Variants in CAST observed in about 807,000 individuals in gnomAD.
The protein encoded by CAST is calpastatin.
In CAST, 76 loss-of-function variants were observed where a neutral mutation model predicts 119.6. The ratio of observed to expected loss-of-function variants is 0.64; its 90% CI spans 0.53 to 0.77. The LOEUF is 0.77. Among genes scored for constraint, CAST ranks in the 30% least tolerant of loss-of-function variants. The probability of loss-of-function intolerance (pLI) is 0.00; values close to 1 mark genes in which losing one functional copy is unlikely to be tolerated. For missense variants in CAST, 953 were observed against 946.5 expected (o/e 1.01, Z -0.09); for synonymous variants, 319 against 331.6 (o/e 0.96, Z 0.41).
the CAST span, among the ~76,000 whole-genome samples, chr5:96,494,206 G>A: frequency 0.085 from 12,925 of 152,176 alleles, 736 homozygotes; most frequent in Middle Eastern, 0.13. Context: ...TCTCAGAGGC[G>A]ATGAACTACC....
At chr5:96,100,156 G>C in the CAST span, among the ~76,000 whole-genome samples, 1 of 152,036 alleles carries the variant, frequency 6.6e-6, no homozygotes, top group African/African-American at 2.4e-5. Flanking sequence ...ATCTTCCCAG[G>C]TACCCTGCTG....
At chr5:96,105,901 C>T in the CAST span, among the ~76,000 whole-genome samples, 2 of 152,104 alleles carry the variant, frequency 1.3e-5, no homozygotes, top group African/African-American at 4.8e-5. Context: ...TGATTATTGC[C>T]GTAATTTCAG....
the CAST span, among the ~76,000 whole-genome samples, chr5:96,229,867 C>T: frequency 1.3e-5 from 2 of 152,136 alleles, no homozygotes; most frequent in Non-Finnish European, 2.9e-5. Context: ...GACAAACCAT[C>T]AATAAATTCT....
the CAST span, among the ~76,000 whole-genome samples, chr5:96,268,225 T>G: frequency 2.6e-5 from 4 of 152,140 alleles, no homozygotes; most frequent in African/African-American, 9.7e-5. Context: ...AAGTAGTAAG[T>G]CCTTACTTAT....
chr5:96,412,752 G>GTTT, the CAST span, among the ~76,000 whole-genome samples: 651 of 71,748 alleles, frequency 9.1e-3, 76 homozygotes, highest in African/African-American at 0.039. Context: ...CAGCTGTGAT[G>GTTT]TTTTTTTTTT....
At chr5:96,225,607 G>A in the CAST span, among the ~76,000 whole-genome samples, 2 of 152,074 alleles carry the variant, frequency 1.3e-5, no homozygotes, top group South Asian at 2.1e-4. Flanking sequence ...TTTTACTGAT[G>A]AGTTATCTTA....
At chr5:96,573,024 C>G (rs1209353357) in intron 1 of CAST, among the ~76,000 whole-genome samples, 1 of 152,142 alleles carries the variant, frequency 6.6e-6, no homozygotes, top group East Asian at 1.9e-4. Flanking sequence ...TACTCGATGA[C>G]TAATTGGAGA....
chr5:96,071,230 C>T, the CAST span, among the ~76,000 whole-genome samples: 2 of 152,146 alleles, frequency 1.3e-5, no homozygotes, highest in East Asian at 3.9e-4. Context: ...CCACTTCACC[C>T]TATATTTCCT....
At chr5:96,154,375 AAATAACTT>A in the CAST span, among the ~76,000 whole-genome samples, 1 of 152,220 alleles carries the variant, frequency 6.6e-6, no homozygotes, top group African/African-American at 2.4e-5. Flanking sequence ...AGTTTTTAAA[AAATAACTT>A]AAAATTTTAG....
chr5:96,163,815 C>CT, the CAST span, among the ~76,000 whole-genome samples: 1 of 152,182 alleles, frequency 6.6e-6, no homozygotes, highest in Admixed American at 6.5e-5. Flanking sequence ...TGTCTGCCTA[C>CT]CCCATAAAAC....
chr5:96,356,501 A>G, the CAST span, among the ~76,000 whole-genome samples: 1 of 152,054 alleles, frequency 6.6e-6, no homozygotes, highest in African/African-American at 2.4e-5. Flanking sequence ...TCTTGAGTTA[A>G]TTTTTGCATA....
chr5:96,230,349 CTTTATCAATTTAAAT>C, the CAST span, among the ~76,000 whole-genome samples: 4 of 152,236 alleles, frequency 2.6e-5, no homozygotes, highest in South Asian at 2.1e-4. Context: ...ACTGTCTTCT[CTTTATCAATTTAAAT>C]TTTATCAATT....
chr5:96,135,569 C>G, the CAST span, among the ~76,000 whole-genome samples: 1 of 152,102 alleles, frequency 6.6e-6, no homozygotes, highest in Non-Finnish European at 1.5e-5. Flanking sequence ...AGATTTCTAA[C>G]TCTTAAGATC....
chr5:96,107,817 G>T, the CAST span, among the ~76,000 whole-genome samples: 2 of 152,218 alleles, frequency 1.3e-5, no homozygotes, highest in Non-Finnish European at 2.9e-5. Flanking sequence ...CCTGCAGAGT[G>T]TTTTCCAACT....
At chr5:96,390,335 T>C in the CAST span, 2 of 152,210 alleles carry the variant, frequency 1.3e-5, no homozygotes, top group Non-Finnish European at 2.9e-5. Context: ...AGATCTTGTT[T>C]GTGGTGGAAA....
chr5:96,390,886 C>A, the CAST span: 4 of 152,634 alleles, frequency 2.6e-5, no homozygotes, highest in East Asian at 7.7e-4. Context: ...TGAGAGTGAA[C>A]CTTTGGCTAC....
the CAST span, chr5:96,392,128 T>C: frequency 1.3e-5 from 2 of 152,072 alleles, no homozygotes; most frequent in Non-Finnish European, 2.9e-5. Context: ...TTCCTGTTAC[T>C]GCTGAAAAAA....
At chr5:96,092,190 A>G in the CAST span, among the ~76,000 whole-genome samples, 1 of 152,156 alleles carries the variant, frequency 6.6e-6, no homozygotes, top group Non-Finnish European at 1.5e-5. Context: ...ACTCTCCTGC[A>G]TATATGTATT....
At chr5:96,175,105 T>C in the CAST span, among the ~76,000 whole-genome samples, 2 of 152,220 alleles carry the variant, frequency 1.3e-5, no homozygotes, top group African/African-American at 4.8e-5. Flanking sequence ...AGATTTTTCT[T>C]ATTTTTATTA....
Sources: allele counts gnomAD v4.1 joint callset (sites outside exome capture counted in the v4.1 genomes callset), GRCh38; gene constraint gnomAD v4.1.1; transcripts MANE v1.5; gene names NCBI Gene and HGNC (gene_info 2026-07-23, HGNC 2026-07-21).